Variants in OSBPL8 observed in about 807,000 individuals in gnomAD.
The protein encoded by OSBPL8 is oxysterol binding protein like 8.
OSBPL8 carries 59 observed loss-of-function variants against 125.5 expected under a neutral mutation model. The ratio of observed to expected loss-of-function variants is 0.47; its 90% CI spans 0.38 to 0.58. The LOEUF is 0.58. OSBPL8 is among the 20% of genes least tolerant of loss of function. The pLI is 0.00. For synonymous variants in OSBPL8, 330 were observed against 338.9 expected, an observed-to-expected ratio of 0.97 and a Z score of 0.29; for missense variants, 758 against 1,047.8, an observed-to-expected ratio of 0.72 and a Z score of 3.82.
chr12:76,369,540 A>T, intron 20 of OSBPL8, 97 bp downstream of exon 20: 1 of 1,394,926 alleles, frequency 7.2e-7, no homozygotes, highest in Non-Finnish European at 9.7e-7. Context: ...ACATGGTTTA[A>T]TTAAATAAAA....
intron 1 of OSBPL8, among the ~76,000 whole-genome samples, chr12:76,526,554 C>A (rs1210751682): frequency 6.7e-6 from 1 of 148,298 alleles, no homozygotes; most frequent in Non-Finnish European, 1.5e-5. Flanking sequence ...TCAAAAGCTG[C>A]ATATTTTCTA....
intron 1 of OSBPL8, among the ~76,000 whole-genome samples, chr12:76,529,512 C>T (rs1725930748): frequency 1.3e-5 from 2 of 149,534 alleles, no homozygotes; most frequent in South Asian, 4.2e-4. Context: ...GATTACCTAC[C>T]TGCTACTACC....
chr12:76,479,584 G>T (rs1019349339), intron 2 of OSBPL8, among the ~76,000 whole-genome samples: 1 of 151,900 alleles, frequency 6.6e-6, no homozygotes, highest in Admixed American at 6.6e-5. Flanking sequence ...GCCTCCTGAC[G>T]GTTACATACA....
intron 1 of OSBPL8, among the ~76,000 whole-genome samples, chr12:76,495,367 C>T (rs12814158): frequency 0.2 from 30,996 of 152,020 alleles, 3,399 homozygotes; most frequent in Non-Finnish European, 0.26. Context: ...TACTAAATGC[C>T]TCCCAAAGGA....
chr12:76,520,469 C>G (rs1881965801), intron 1 of OSBPL8, among the ~76,000 whole-genome samples: 1 of 152,136 alleles, frequency 6.6e-6, no homozygotes, highest in Admixed American at 6.5e-5. Flanking sequence ...TCTGGAGAAT[C>G]AAAGTGTACA....
intron 2 of OSBPL8, among the ~76,000 whole-genome samples, chr12:76,484,060 A>C (rs922177332): frequency 6.6e-6 from 1 of 152,148 alleles, no homozygotes; most frequent in African/African-American, 2.4e-5. Flanking sequence ...TAAATGACAA[A>C]CCATTACTTG....
At chr12:76,474,632 C>T (rs2136940623) in intron 2 of OSBPL8, among the ~76,000 whole-genome samples, 1 of 152,154 alleles carries the variant, frequency 6.6e-6, no homozygotes, top group South Asian at 2.1e-4. Flanking sequence ...CAGGCACATG[C>T]CACCATGACT....
chr12:76,524,082 AG>A (rs1410815164), intron 1 of OSBPL8, among the ~76,000 whole-genome samples: 2 of 152,188 alleles, frequency 1.3e-5, no homozygotes, highest in Non-Finnish European at 2.9e-5. Flanking sequence ...ACATAAACAA[AG>A]AATGAAGGAA....
At position 76,386,649 on chromosome 12, in the gene OSBPL8, T is replaced by C; in HGVS notation, c.1364A>G (p.Glu455Gly). The C allele has an allele frequency of 6.2e-7, 1 of 1,604,110 alleles. No individual in the cohort carries two copies. The highest frequency in any genetic ancestry group is 8.5e-7 in the Non-Finnish European group (1 of 1,174,798). ...CTTCAAACGGAAATAAGGATTTTCT[T>C]CAAGAGCTGCCCTAAAACACAAAAC... Reference protein sequence around the residue: ...HADFLSEAALEENPYFRLKKV... With the variant: ...HADFLSEAALGENPYFRLKKV... The change falls in exon 13 of 24, where the codon GAA becomes GGA. Residue 455 changes from glutamate to glycine, a missense_variant. Coordinates refer to ENST00000261183, the MANE Select transcript of OSBPL8 (RefSeq NM_020841.5).
chr12:76,368,769 A>T (rs1952511464), intron 21 of OSBPL8, among the ~76,000 whole-genome samples: 1 of 152,136 alleles, frequency 6.6e-6, no homozygotes, highest in Non-Finnish European at 1.5e-5. Context: ...TGATTTTCTC[A>T]GAGATGAGTG....
intron 4 of OSBPL8, among the ~76,000 whole-genome samples, chr12:76,429,763 G>C (rs1370072900): frequency 6.6e-6 from 1 of 152,080 alleles, no homozygotes; most frequent in African/African-American, 2.4e-5. Flanking sequence ...ATGAGCGACA[G>C]AGACAAGATT....
chr12:76,422,177 T>G (rs1869565774), intron 4 of OSBPL8, among the ~76,000 whole-genome samples: 1 of 152,092 alleles, frequency 6.6e-6, no homozygotes. Context: ...CTCAGAGCAA[T>G]GTGTTTATTT....
intron 7 of OSBPL8, among the ~76,000 whole-genome samples, chr12:76,398,142 T>A (rs1282124812): frequency 6.6e-6 from 1 of 152,214 alleles, no homozygotes; most frequent in African/African-American, 2.4e-5. Context: ...CTAAGTAGGA[T>A]AATTTTCCTA....
At chr12:76,473,762 G>A (rs1471940058) in intron 2 of OSBPL8, among the ~76,000 whole-genome samples, 3 of 152,066 alleles carry the variant, frequency 2.0e-5, no homozygotes, top group Admixed American at 6.6e-5. Flanking sequence ...AGTATTCAAG[G>A]CCCTGTATGA....
intron 1 of OSBPL8, among the ~76,000 whole-genome samples, chr12:76,549,520 C>G (rs574236878): frequency 2.6e-5 from 4 of 152,248 alleles, no homozygotes; most frequent in African/African-American, 9.6e-5. Flanking sequence ...AAGTGATTCT[C>G]CTGCCTCAGA....
intron 23 of OSBPL8, among the ~76,000 whole-genome samples, 196 bp downstream of exon 23, chr12:76,356,430 C>G (rs1951988795): frequency 6.6e-6 from 1 of 152,082 alleles, no homozygotes; most frequent in South Asian, 2.1e-4. Context: ...AAAAAACAAC[C>G]TCTCCTTCCT....
At chr12:76,470,331 C>T (rs1402367891) in intron 2 of OSBPL8, among the ~76,000 whole-genome samples, 1 of 152,140 alleles carries the variant, frequency 6.6e-6, no homozygotes, top group Non-Finnish European at 1.5e-5. Flanking sequence ...TCTGGCCTAA[C>T]GAGCCACAGT....
intron 17 of OSBPL8, among the ~76,000 whole-genome samples, chr12:76,373,912 C>T (rs368927812): frequency 9.9e-5 from 15 of 152,060 alleles, no homozygotes; most frequent in East Asian, 3.9e-4. Flanking sequence ...AAGGAATACA[C>T]TGAGTTACTA....
rs141884801 is a variant in OSBPL8 at position 76,360,845 on chromosome 12, C to T, written c.2329-2034G>A. Among the ~76,000 whole-genome samples the T allele has an allele frequency of 5.7e-3, 868 of 152,270 alleles. 7 individuals are homozygous for T. Among genetic ancestry groups the T allele is most frequent in the African/African-American group, 0.017 (726 of 41,558 alleles). On this transcript the variant is annotated intron_variant, in intron 21 of 23. Transcript: ENST00000261183. ...TTAGCAATGGCTGAAGCGGCTGGGA[C>T]GTAGGGCACCAAGTCCCTAGGCTGC...
Sources: allele counts gnomAD v4.1 joint callset (sites outside exome capture counted in the v4.1 genomes callset), GRCh38; gene constraint gnomAD v4.1.1; transcripts MANE v1.5; gene names NCBI Gene and HGNC (gene_info 2026-07-23, HGNC 2026-07-21).